Variants in AJAP1 observed in about 807,000 individuals in gnomAD.
The protein encoded by AJAP1 is adherens junctions associated protein 1.
In AJAP1, 5 loss-of-function variants were observed where a neutral mutation model predicts 35.0. That is an observed-to-expected ratio of 0.14 (90% confidence interval 0.07 to 0.30). The LOEUF is 0.30. AJAP1 is among the 10% of genes least tolerant of loss of function. The probability of loss-of-function intolerance (pLI) is 1.00; values close to 1 mark genes in which losing one functional copy is unlikely to be tolerated. For synonymous variants in AJAP1, 284 were observed against 249.3 expected, an observed-to-expected ratio of 1.14 and a Z score of -1.31; for missense variants, 586 against 571.0, an observed-to-expected ratio of 1.03 and a Z score of -0.27.
At chr1:4,704,810 C>T (rs1301430201) in intron 1 of AJAP1, among the ~76,000 whole-genome samples, 1 of 152,174 alleles carries the variant, frequency 6.6e-6, no homozygotes, top group Non-Finnish European at 1.5e-5. Flanking sequence ...ACATCCTCTC[C>T]AGCACCTGTT....
At chr1:4,697,974 G>T (rs1246985632) in intron 1 of AJAP1, among the ~76,000 whole-genome samples, 1 of 152,248 alleles carries the variant, frequency 6.6e-6, no homozygotes, top group Non-Finnish European at 1.5e-5. Flanking sequence ...GCACCAGCGT[G>T]GGGTGGTGGC....
rs565239005 is a variant in AJAP1 at position 4,706,340 on chromosome 1, T to C, written c.30-5560T>C. On this transcript the variant is annotated intron_variant, in intron 1 of 5. Coordinates refer to ENST00000378191, the MANE Select transcript of AJAP1 (RefSeq NM_018836.4). Reference sequence around the variant, plus strand: ...CTTCTTCAACGAGGAGGCGGAGACCTCAGAGCCCACCTGCCCCAACTTACT... The same window carrying C: ...CTTCTTCAACGAGGAGGCGGAGACCCCAGAGCCCACCTGCCCCAACTTACT... 5.3e-5 allele frequency among the ~76,000 whole-genome samples: 8 copies of C among 152,318 alleles called. No homozygotes were observed. The East Asian group carries it at 1.3e-3, about 26-fold the overall frequency.
intron 1 of AJAP1, among the ~76,000 whole-genome samples, chr1:4,703,892 C>T (rs1640042448): frequency 6.6e-6 from 1 of 152,210 alleles, no homozygotes; most frequent in African/African-American, 2.4e-5. Flanking sequence ...CCACTGCCTC[C>T]CCGAGCTCCC....
At position 4,720,165 on chromosome 1, in the gene AJAP1, T is replaced by C. The variant is rs1017290280; in HGVS notation, c.829+7466T>C. Among the ~76,000 whole-genome samples the C allele has an allele frequency of 6.6e-6, 1 of 152,176 alleles. No individual in the cohort carries two copies. Among genetic ancestry groups the C allele is most frequent in the Non-Finnish European group, 1.5e-5 (1 of 68,030 alleles). ...GTCACTGACACTCAGTCCCGGAGAC[T>C]CAGCCAAATTCAGAGGCAGACGAAC... On this transcript the variant is annotated intron_variant, in intron 2 of 5. Coordinates refer to ENST00000378191, the MANE Select transcript of AJAP1 (RefSeq NM_018836.4). This position sits in a 1 kb window ranked among gnomAD's most constrained non-coding sequence, Gnocchi z 4.4.
chr1:4,677,065 G>A (rs1639377806), intron 1 of AJAP1, among the ~76,000 whole-genome samples: 2 of 152,230 alleles, frequency 1.3e-5, no homozygotes, highest in Admixed American at 1.3e-4. Context: ...GCTGAGGCAG[G>A]AGAATTGCTT....
Position 4,692,101 on chromosome 1 carries a change from G to A in AJAP1, c.30-19799G>A, listed in dbSNP as rs527359085. 7.2e-5 allele frequency among the ~76,000 whole-genome samples: 11 copies of A among 152,288 alleles called. No homozygotes were observed. Among genetic ancestry groups the A allele is most frequent in the East Asian group, 1.9e-4 (1 of 5,162 alleles). ...GGGAATGGCAGGTGGCATGGCGCCC[G>A]GCCGGCCCTGCGTGGATCTATTATC... On this transcript the variant is annotated intron_variant, in intron 1 of 5. Coordinates refer to ENST00000378191, the MANE Select transcript of AJAP1 (RefSeq NM_018836.4). This position sits in a 1 kb window ranked among gnomAD's most constrained non-coding sequence, Gnocchi z 4.4.
At chr1:4,696,593 G>A (rs1339484605) in intron 1 of AJAP1, among the ~76,000 whole-genome samples, 1 of 152,244 alleles carries the variant, frequency 6.6e-6, no homozygotes, top group Admixed American at 6.5e-5. Context: ...TATGCCCGGG[G>A]GGTGGCCAAG....
rs1012541031 is a variant in AJAP1, at chr1:4,786,554, T to C, written c.*4069T>C. 2 of 152,174 alleles carry C rather than the reference T, an allele frequency of 1.3e-5. No individual in the cohort carries two copies. Among genetic ancestry groups the C allele is most frequent in the Non-Finnish European group, 2.9e-5 (2 of 68,028 alleles). 9.4% of individuals were successfully genotyped at this position (152,174 alleles called of 1,614,324 possible). On this transcript the variant is annotated 3_prime_UTR_variant, in exon 6 of 6. Coordinates refer to ENST00000378191, the MANE Select transcript of AJAP1 (RefSeq NM_018836.4). ...AGGGATTGGTCTTCAAAATTTTGTG[T>C]GTGATGCCCAATGTGTAGGCCATAT...
chr1:4,682,676 G>GTGA (rs1442239763), intron 1 of AJAP1, among the ~76,000 whole-genome samples: 1 of 152,196 alleles, frequency 6.6e-6, no homozygotes, highest in Non-Finnish European at 1.5e-5. Context: ...TGTGATGATG[G>GTGA]TGATGATGAT....
intron 2 of AJAP1, among the ~76,000 whole-genome samples, chr1:4,753,827 C>T: frequency 6.6e-6 from 1 of 152,224 alleles, no homozygotes; most frequent in East Asian, 1.9e-4. Context: ...CCACCTCAGC[C>T]TTCCAAAGTG....
rs954455534 is a variant in AJAP1 at position 4,758,967 on chromosome 1, T to C, written c.830-10886T>C. ...TCTGTGCACTCTGCAAACTCCAGAGTACTTCTGAAGATGGCCAGCACCAGA... is the reference window on the plus strand; with the variant it reads ...TCTGTGCACTCTGCAAACTCCAGAGCACTTCTGAAGATGGCCAGCACCAGA... On this transcript the variant is annotated intron_variant, in intron 2 of 5. Transcript: ENST00000378191. 2.0e-5 allele frequency among the ~76,000 whole-genome samples: 3 copies of C among 152,154 alleles called. No individual in the cohort carries two copies. In the East Asian group the frequency reaches 5.8e-4, roughly 29 times the overall value.
chr1:4,685,080 G>A (rs2100215404), intron 1 of AJAP1, among the ~76,000 whole-genome samples: 2 of 152,260 alleles, frequency 1.3e-5, no homozygotes, highest in South Asian at 4.2e-4. Context: ...TGCAGTCATG[G>A]CCCCGAACCC....
intron 1 of AJAP1, among the ~76,000 whole-genome samples, chr1:4,677,152 C>T (rs891072300): frequency 3.9e-5 from 6 of 152,048 alleles, no homozygotes; most frequent in East Asian, 1.9e-4. Flanking sequence ...AGTGAGAATC[C>T]GTCTCAAAAA....
chr1:4,754,887 C>T (rs401110), intron 2 of AJAP1, among the ~76,000 whole-genome samples: 37,059 of 152,158 alleles, frequency 0.24, 5,005 homozygotes, highest in Non-Finnish European at 0.31. Context: ...TTTGTGGGGA[C>T]AGTGCTCACA....
In AJAP1 at chr1:4,782,626, G is replaced by A. The variant is rs186325981; in HGVS notation, c.*141G>A. On this transcript the variant is annotated 3_prime_UTR_variant, in exon 6 of 6. Transcript: ENST00000378191. This position sits in a 1 kb window ranked among gnomAD's most constrained non-coding sequence, Gnocchi z 5.3. ...AACCTAAAACTGAGCTATCTAAGGG[G>A]GAGGGTCCCCGCACCTACCACTTCT... 24 of 397,812 alleles carry A rather than the reference G, an allele frequency of 6.0e-5. No homozygotes were observed. In the Admixed American group the frequency reaches 7.9e-4, roughly 13 times the overall value. 24.6% of individuals were successfully genotyped at this position (397,812 alleles called of 1,614,324 possible). A position where few individuals can be genotyped will look rare whatever the true frequency, so the allele number is the denominator to read the frequency against.
chr1:4,701,942 G>A (rs967792114), intron 1 of AJAP1, among the ~76,000 whole-genome samples: 6 of 152,074 alleles, frequency 3.9e-5, no homozygotes, highest in East Asian at 1.9e-4. Flanking sequence ...CCAACACCCC[G>A]CCATGCACAG....
In AJAP1 at chr1:4,787,942, A is replaced by G. The variant is rs767433941; in HGVS notation, c.*5457A>G. The stretch of plus-strand genomic sequence containing the variant: ...TTCCAAAACATGCCGTGATTCATGT[A>G]ATTTTTGAGTGGTTACTTTGGTGCA... On this transcript the variant is annotated 3_prime_UTR_variant, in exon 6 of 6. Coordinates refer to ENST00000378191, the MANE Select transcript of AJAP1 (RefSeq NM_018836.4). 9 of 331,194 alleles carry G rather than the reference A, an allele frequency of 2.7e-5. No homozygotes were observed. The highest frequency in any genetic ancestry group is 1.3e-4 in the Admixed American group (3 of 23,302). 20.5% of individuals were successfully genotyped at this position (331,194 alleles called of 1,614,324 possible). A position where few individuals can be genotyped will look rare whatever the true frequency, so the allele number is the denominator to read the frequency against.
intron 2 of AJAP1, among the ~76,000 whole-genome samples, chr1:4,748,310 T>C (rs1641239376): frequency 6.6e-6 from 1 of 152,182 alleles, no homozygotes; most frequent in South Asian, 2.1e-4. Flanking sequence ...CTGGGTGTGT[T>C]ACATGCATGA....
intron 2 of AJAP1, among the ~76,000 whole-genome samples, chr1:4,754,271 C>T (rs1435928353): frequency 1.3e-5 from 2 of 152,210 alleles, no homozygotes; most frequent in African/African-American, 4.8e-5. Context: ...CATTTGTTTA[C>T]ATTTGTCTGT....
Sources: allele counts gnomAD v4.1 joint callset (sites outside exome capture counted in the v4.1 genomes callset), GRCh38; gene constraint gnomAD v4.1.1; non-coding constraint Gnocchi (gnomAD v3.1); transcripts MANE v1.5; gene names NCBI Gene and HGNC (gene_info 2026-07-23, HGNC 2026-07-21).